TTPAL: variants seen among roughly 807,000 people sequenced by gnomAD.
TTPAL encodes alpha tocopherol transfer protein like.
A neutral mutation model predicts 28.7 loss-of-function variants in TTPAL; 21 were observed. The ratio of observed to expected loss-of-function variants is 0.73; its 90% CI spans 0.52 to 1.06. The LOEUF is 1.06. Ranked by LOEUF, TTPAL falls within the 50% of genes least tolerant of loss-of-function variation. The probability of loss-of-function intolerance (pLI) is 0.00; values close to 1 mark genes in which losing one functional copy is unlikely to be tolerated. For missense variants in TTPAL, 345 were observed against 425.5 expected, an observed-to-expected ratio of 0.81 and a Z score of 1.67; for synonymous variants, 169 against 171.9, an observed-to-expected ratio of 0.98 and a Z score of 0.13.
Position 44,480,312 on chromosome 20 carries a change from T to A in TTPAL, c.313T>A (p.Cys105Ser). The A allele has an allele frequency of 1.9e-6, 3 of 1,614,178 alleles. No individual in the cohort carries two copies. Among genetic ancestry groups the A allele is most frequent in the Non-Finnish European group, 2.5e-6 (3 of 1,180,036 alleles). Residue 105 changes from cysteine (C) to serine (S), a missense_variant, in exon 2 of 5, where the codon TGT becomes AGT. Coordinates refer to ENST00000262605, the MANE Select transcript of TTPAL (RefSeq NM_001039199.3). This position sits in a 1 kb window ranked among gnomAD's most constrained non-coding sequence, Gnocchi z 4.1. ...ALQLLVNYHS[C>S]RRSWPEVFNN... is the part of the protein sequence containing the mutation. ...GCAGCTCCTCGTCAACTACCACAGCTGTAGAAGAAGCTGGCCCGAAGTCTT... is the reference window on the plus strand; with the variant it reads ...GCAGCTCCTCGTCAACTACCACAGCAGTAGAAGAAGCTGGCCCGAAGTCTT...
rs61745665 is a variant in TTPAL, at chr20:44,489,448, G to A, written c.936G>A (p.Leu312=). ...CTGTTCCTGCCTGTGACAGCATCCTGGGCCAGACGCTGCTGCCCGAGGGCC... is the reference window on the plus strand; with the variant it reads ...CTGTTCCTGCCTGTGACAGCATCCTAGGCCAGACGCTGCTGCCCGAGGGCC... ...CQPVPACDSI[L]GQTLLPEGLT... Residue 312 remains leucine (L), a synonymous_variant, in exon 5 of 5, where the codon CTG becomes CTA. Coordinates refer to ENST00000262605, the MANE Select transcript of TTPAL (RefSeq NM_001039199.3). 3.4e-3 allele frequency: 5,533 copies of A among 1,614,202 alleles called. 167 individuals are homozygous for A. In the African/African-American group the frequency reaches 0.066, roughly 19 times the overall value.
chr20:44,480,336 T>C lies in TTPAL; in HGVS notation c.337T>C (p.Phe113Leu). 2 of 1,614,184 alleles carry C rather than the reference T, an allele frequency of 1.2e-6. No individual in the cohort carries two copies. The highest frequency in any genetic ancestry group is 1.7e-6 in the Non-Finnish European group (2 of 1,180,032). ...CTGTAGAAGAAGCTGGCCCGAAGTCTTCAATAACTTGAAGCCATCAGCCTT... is the reference window on the plus strand; with the variant it reads ...CTGTAGAAGAAGCTGGCCCGAAGTCCTCAATAACTTGAAGCCATCAGCCTT... ...HSCRRSWPEV[F>L]NNLKPSALKD... Residue 113 changes from phenylalanine to leucine, a missense_variant, in exon 2 of 5, where the codon TTC (phenylalanine) becomes CTC (leucine). Coordinates refer to ENST00000262605, the MANE Select transcript of TTPAL (RefSeq NM_001039199.3). This position sits in a 1 kb window ranked among gnomAD's most constrained non-coding sequence, Gnocchi z 4.1.
chr20:44,481,972 C>CA (rs1372281220), intron 2 of TTPAL, among the ~76,000 whole-genome samples: 1 of 152,172 alleles, frequency 6.6e-6, no homozygotes, highest in East Asian at 1.9e-4. Context: ...ACACTGATTG[C>CA]ACCTTTGCTT....
intron 3 of TTPAL, chr20:44,485,810 C>A (rs2064146631): frequency 6.6e-6 from 1 of 152,184 alleles, no homozygotes; most frequent in African/African-American, 2.4e-5. Context: ...TGCTGTATAG[C>A]ATGTCCCTTT....
At chr20:44,486,540 G>A in intron 3 of TTPAL, 56 bp from the exon 4 acceptor site, 1 of 1,028,988 alleles carries the variant, frequency 9.7e-7, no homozygotes, top group South Asian at 1.4e-5. Flanking sequence ...ACTTGGGGGA[G>A]GAAGGTGTGG....
At chr20:44,486,467 C>T (rs2064152741) in intron 3 of TTPAL, 129 bp from the exon 4 acceptor site, 3 of 618,042 alleles carry the variant, frequency 4.9e-6, no homozygotes, top group Non-Finnish European at 8.6e-6. Context: ...CCCACGTGGA[C>T]TGTCATTGAG....
rs779674420 is a variant in TTPAL at position 44,480,256 on chromosome 20, G to A, written c.257G>A (p.Arg86Gln). 1.1e-5 allele frequency: 17 copies of A among 1,614,130 alleles called. No individual in the cohort carries two copies. Among genetic ancestry groups the A allele is most frequent in the Admixed American group, 5.0e-5 (3 of 60,004 alleles). ...GATGCCTTCCTGCTGCGCTTCCTCC[G>A]AGCCCGCAAGTTTGATTACGACCGG... ...LDDAFLLRFL[R>Q]ARKFDYDRAL... Residue 86 changes from arginine (R) to glutamine (Q), a missense_variant, in exon 2 of 5, where the codon CGA (arginine) becomes CAA (glutamine). By Grantham distance (43) the Arg-to-Gln change is conservative. Coordinates refer to ENST00000262605, the MANE Select transcript of TTPAL (RefSeq NM_001039199.3). This position sits in a 1 kb window ranked among gnomAD's most constrained non-coding sequence, Gnocchi z 4.1.
At position 44,490,447 on chromosome 20, in the gene TTPAL, G is replaced by T. The variant is rs956808896; in HGVS notation, c.*906G>T. 2.0e-5 allele frequency: 3 copies of T among 152,284 alleles called. No homozygotes were observed. Among genetic ancestry groups the T allele is most frequent in the Non-Finnish European group, 4.4e-5 (3 of 68,030 alleles). The allele number at this position is 152,284 out of a possible 1,614,324, so 9.4% of individuals were successfully genotyped here. ...GGCCATTTTGGCTGCTGAGGCTCTG[G>T]GATTTGGTTTAGTTACTGAATGTTA... is the stretch of plus-strand genomic sequence containing the variant. On this transcript the variant is annotated 3_prime_UTR_variant, in exon 5 of 5. Coordinates refer to ENST00000262605, the MANE Select transcript of TTPAL (RefSeq NM_001039199.3).
chr20:44,487,863 G>A (rs1007478055), intron 4 of TTPAL, among the ~76,000 whole-genome samples: 1 of 152,082 alleles, frequency 6.6e-6, no homozygotes, highest in African/African-American at 2.4e-5. Context: ...CTACCTCCCG[G>A]GTTCAAGCAG....
chr20:44,489,576 CCTT>C lies in TTPAL; in HGVS notation c.*39_*41del, dbSNP rs1244726356. ...CAGGGTCACCATCTTTAATTCTTTT[CCTT>C]CTTTTCTTTGGAGAGGCACAAGGAG... On this transcript the variant is annotated 3_prime_UTR_variant, in exon 5 of 5. Coordinates refer to ENST00000262605, the MANE Select transcript of TTPAL (RefSeq NM_001039199.3). 7 of 1,586,556 alleles carry C rather than the reference CCTT, an allele frequency of 4.4e-6. No individual in the cohort carries two copies. Among genetic ancestry groups the C allele is most frequent in the African/African-American group, 4.0e-5 (3 of 74,170 alleles).
chr20:44,486,762 T>C (rs928691739), intron 4 of TTPAL, 56 bp downstream of exon 4: 136 of 978,642 alleles, frequency 1.4e-4, no homozygotes, highest in Non-Finnish European at 1.9e-4. Context: ...GATTTATTTG[T>C]GACATCTGGT....
intron 1 of TTPAL, among the ~76,000 whole-genome samples, chr20:44,479,251 C>T (rs2064076637): frequency 6.6e-6 from 1 of 151,998 alleles, no homozygotes; most frequent in Admixed American, 6.6e-5. Flanking sequence ...AGTATATGTC[C>T]TAGAAATGGA....
intron 1 of TTPAL, among the ~76,000 whole-genome samples, chr20:44,478,899 C>T (rs2064072129): frequency 6.6e-6 from 1 of 152,188 alleles, no homozygotes; most frequent in Admixed American, 6.5e-5. Flanking sequence ...ACGCCATTCT[C>T]CTGCCTCAGC....
At position 44,490,808 on chromosome 20, in the gene TTPAL, TG is replaced by T. The variant is rs1297457157; in HGVS notation, c.*1269del. 1 of 152,256 alleles carries T rather than the reference TG, an allele frequency of 6.6e-6. No individual in the cohort carries two copies. Among genetic ancestry groups the T allele is most frequent in the Non-Finnish European group, 1.5e-5 (1 of 68,046 alleles). The allele number at this position is 152,256 out of a possible 1,614,324, so 9.4% of individuals were successfully genotyped here. On this transcript the variant is annotated 3_prime_UTR_variant, in exon 5 of 5. Coordinates refer to ENST00000262605, the MANE Select transcript of TTPAL (RefSeq NM_001039199.3). ...ATTTTGGTCTCTGAGCTGGGCGTGGTGGTTCATGCCTGTAATCCCAGCACTT... is the reference window on the plus strand; with the variant it reads ...ATTTTGGTCTCTGAGCTGGGCGTGGTGTTCATGCCTGTAATCCCAGCACTT...
At chr20:44,488,059 G>T (rs528968784) in intron 4 of TTPAL, among the ~76,000 whole-genome samples, 1 of 152,164 alleles carries the variant, frequency 6.6e-6, no homozygotes, top group African/African-American at 2.4e-5. Context: ...GTGAGCCACC[G>T]CACTGGGCCC....
intron 4 of TTPAL, among the ~76,000 whole-genome samples, chr20:44,488,581 C>T (rs1555826216): frequency 6.6e-6 from 1 of 151,980 alleles, no homozygotes; most frequent in Non-Finnish European, 1.5e-5. Flanking sequence ...AAAAGTATAG[C>T]GTGTGTGAGG....
chr20:44,477,639 C>CTATG (rs1476291705), intron 1 of TTPAL, among the ~76,000 whole-genome samples: 1 of 150,170 alleles, frequency 6.7e-6, no homozygotes, highest in Non-Finnish European at 1.5e-5. Flanking sequence ...ATTTATCTAT[C>CTATG]TATCTATTTA....
intron 4 of TTPAL, among the ~76,000 whole-genome samples, chr20:44,488,829 G>A (rs537224786): frequency 4.6e-5 from 7 of 152,202 alleles, no homozygotes; most frequent in African/African-American, 1.7e-4. Flanking sequence ...AATGAGGCTA[G>A]ATTATGATGG....
Position 44,480,171 on chromosome 20 carries a change from G to A in TTPAL, c.172G>A (p.Val58Met), listed in dbSNP as rs1013829159. ...AAAGCCGGAATGGAGACTTCGAGATGTGCAGGCCCTTCGTGACATGGTGCG... is the reference window on the plus strand; with the variant it reads ...AAAGCCGGAATGGAGACTTCGAGATATGCAGGCCCTTCGTGACATGGTGCG... ...QEKPEWRLRDVQALRDMVRKE... is the reference protein window; with the variant it reads ...QEKPEWRLRDMQALRDMVRKE... The change falls in exon 2 of 5, where the codon GTG (valine) becomes ATG (methionine). Residue 58 changes from valine to methionine, a missense_variant. Transcript: ENST00000262605. The surrounding 1 kb of genome is among the most constrained non-coding windows in gnomAD (Gnocchi z 4.1). The A allele has an allele frequency of 1.9e-6, 3 of 1,614,054 alleles. No individual in the cohort carries two copies. The highest frequency in any genetic ancestry group is 1.3e-5 in the African/African-American group (1 of 74,938).
Sources: gnomAD v4.1 joint callset for allele counts (sites outside exome capture counted in the v4.1 genomes callset) on GRCh38, gnomAD v4.1.1 for gene constraint, Gnocchi (gnomAD v3.1) non-coding constraint, MANE v1.5 for transcripts, NCBI Gene and HGNC (gene_info 2026-07-23, HGNC 2026-07-21) for gene names.